Variants in PRKD3 observed in about 807,000 individuals in gnomAD.
PRKD3 encodes the protein protein kinase D3, also known as serine/threonine-protein kinase D3.
Under a neutral mutation model 99.2 loss-of-function variants are expected in PRKD3, and 47 were observed. The observed-to-expected ratio is 0.47, with a 90% CI of 0.38 to 0.60. The LOEUF is 0.60. PRKD3 is among the 20% of genes least tolerant of loss of function. The probability of loss-of-function intolerance (pLI) is 0.00; values close to 1 mark genes in which losing one functional copy is unlikely to be tolerated. For missense variants in PRKD3, 1,019 were observed against 1,088.4 expected, an observed-to-expected ratio of 0.94 and a Z score of 0.90; for synonymous variants, 392 against 355.4, an observed-to-expected ratio of 1.10 and a Z score of -1.16.
At chr2:37,253,733 T>A (rs556397685) in intron 18 of PRKD3, among the ~76,000 whole-genome samples, 7 of 152,112 alleles carry the variant, frequency 4.6e-5, no homozygotes, top group Non-Finnish European at 8.8e-5. Flanking sequence ...GTAGATGAGA[T>A]TACATTTGTT....
chr2:37,309,785 T>C (rs897395269), intron 2 of PRKD3, among the ~76,000 whole-genome samples: 1 of 147,534 alleles, frequency 6.8e-6, no homozygotes, highest in Non-Finnish European at 1.5e-5. Context: ...GAGTCGGAAG[T>C]TGCAGTGAGC....
chr2:37,296,375 G>A (rs1670673313), intron 2 of PRKD3, among the ~76,000 whole-genome samples: 1 of 152,118 alleles, frequency 6.6e-6, no homozygotes, highest in Admixed American at 6.5e-5. Context: ...ATTACAGTGA[G>A]ATATTACAAA....
intron 2 of PRKD3, among the ~76,000 whole-genome samples, chr2:37,294,961 GCTA>G (rs1274453679): frequency 6.6e-6 from 1 of 152,174 alleles, no homozygotes; most frequent in African/African-American, 2.4e-5. Context: ...TGTAGTCCCA[GCTA>G]CTTGGGAGGC....
At chr2:37,287,965 T>G (rs140598261) in intron 5 of PRKD3, among the ~76,000 whole-genome samples, 7 of 152,338 alleles carry the variant, frequency 4.6e-5, no homozygotes, top group African/African-American at 1.7e-4. Context: ...CCTTCCATGC[T>G]ACAAGTTCTA....
Position 37,254,401 on chromosome 2 carries a change from T to G in PRKD3, c.2414-112A>C. 5 of 759,538 alleles carry G rather than the reference T, an allele frequency of 6.6e-6. No individual in the cohort carries two copies. In the South Asian group the frequency reaches 7.6e-5, roughly 12 times the overall value. The allele number at this position is 759,538 out of a possible 1,614,324, so 47.0% of individuals were successfully genotyped here. ...TAGAAATACAGGGTTGAGGAATTTT[T>G]GCTTCTCAAGGACGTGGACTTTTAG... is the stretch of plus-strand genomic sequence containing the variant. On this transcript the variant is annotated intron_variant, in intron 17 of 18. Coordinates refer to ENST00000234179, the MANE Select transcript of PRKD3 (RefSeq NM_005813.6).
chr2:37,317,855 A>G (rs1671729815), intron 1 of PRKD3: 1 of 152,184 alleles, frequency 6.6e-6, no homozygotes, highest in South Asian at 2.1e-4. Context: ...ATCAGACAAG[A>G]TCAGGCACAT....
At position 37,274,589 on chromosome 2, in the gene PRKD3, A is replaced by T. The variant is rs1272532491; in HGVS notation, c.1483T>A (p.Tyr495Asn). The T allele has an allele frequency of 6.2e-7, 1 of 1,614,160 alleles. No individual in the cohort carries two copies. The highest frequency in any genetic ancestry group is 1.7e-5 in the Admixed American group (1 of 60,018). Residue 495 changes from tyrosine (Y) to asparagine (N), a missense_variant, in exon 11 of 19, where the codon TAC becomes AAC. By Grantham distance (143) the Tyr-to-Asn change is moderately radical (BLOSUM62 -2). Transcript: ENST00000234179. ...TCCCCATTGTTCTCACCAACGAAGT[A>T]TACCATAGTATCAGTAATGATTTCA... ...CFEIITDTMV[Y>N]FVGENNGDSS...
At chr2:37,259,792 G>C (rs1645978862) in intron 15 of PRKD3, 111 bp from the exon 16 acceptor site, 5 of 721,760 alleles carry the variant, frequency 6.9e-6, no homozygotes, top group Admixed American at 2.6e-5. Flanking sequence ...TCAAGACTTA[G>C]CTAAAAGTGT....
chr2:37,257,191 C>A (rs1326797956), intron 16 of PRKD3, among the ~76,000 whole-genome samples: 1 of 152,076 alleles, frequency 6.6e-6, no homozygotes, highest in African/African-American at 2.4e-5. Context: ...ATACCAAATA[C>A]CAGACTGGTG....
chr2:37,314,846 G>A (rs1428903342), intron 2 of PRKD3, among the ~76,000 whole-genome samples: 1 of 152,116 alleles, frequency 6.6e-6, no homozygotes, highest in African/African-American at 2.4e-5. Flanking sequence ...TAATGGAAGG[G>A]AAACTAAAAG....
At chr2:37,294,098 C>T (rs1403858393) in intron 2 of PRKD3, among the ~76,000 whole-genome samples, 1 of 152,124 alleles carries the variant, frequency 6.6e-6, no homozygotes, top group Non-Finnish European at 1.5e-5. Context: ...CTAAAGAGTT[C>T]TCAAAACCTT....
chr2:37,266,747 C>CA lies in PRKD3; in HGVS notation c.1884+682dup, dbSNP rs1473816242. Among the ~76,000 whole-genome samples, 9 of 152,284 alleles carry CA rather than the reference C, an allele frequency of 5.9e-5. No individual in the cohort carries two copies. In the East Asian group the frequency reaches 1.5e-3, roughly 26 times the overall value. On this transcript the variant is annotated intron_variant, in intron 14 of 18. Coordinates refer to ENST00000234179, the MANE Select transcript of PRKD3 (RefSeq NM_005813.6). ...AGGTGATCCACCCGCCTTGGCCTCC[C>CA]AAAGTGCTGGGATTATAGGTGCGCA...
chr2:37,251,723 CTG>C lies in PRKD3; in HGVS notation c.*1452_*1453del, dbSNP rs1667512398. ...TACATATCTGATCTTCACGACAACACTGTGACAAAGGGAGAGGCAAGAATGAT... is the reference window on the plus strand; with the variant it reads ...TACATATCTGATCTTCACGACAACACTGACAAAGGGAGAGGCAAGAATGAT... On this transcript the variant is annotated 3_prime_UTR_variant, in exon 19 of 19. Transcript: ENST00000234179. 1 of 151,932 alleles carries C rather than the reference CTG, an allele frequency of 6.6e-6. No homozygotes were observed. The highest frequency in any genetic ancestry group is 6.6e-5 in the Admixed American group (1 of 15,258). The allele number at this position is 151,932 out of a possible 1,614,324, so 9.4% of individuals were successfully genotyped here. A position where few individuals can be genotyped will look rare whatever the true frequency, so the allele number is the denominator to read the frequency against.
intron 5 of PRKD3, among the ~76,000 whole-genome samples, chr2:37,287,006 G>A (rs562887313): frequency 1.8e-4 from 28 of 151,868 alleles, no homozygotes; most frequent in African/African-American, 4.8e-4. Context: ...CGAGGTGGGC[G>A]GATCACCTGA....
At chr2:37,320,641 AG>A (rs1671845742) in intron 1 of PRKD3, among the ~76,000 whole-genome samples, 1 of 151,956 alleles carries the variant, frequency 6.6e-6, no homozygotes, top group Non-Finnish European at 1.5e-5. Flanking sequence ...CATGTTGGCC[AG>A]GCTGGTCTGG....
chr2:37,322,336 A>G (rs759573251), intron 1 of PRKD3, among the ~76,000 whole-genome samples: 18 of 152,254 alleles, frequency 1.2e-4, no homozygotes, highest in Non-Finnish European at 1.8e-4. Flanking sequence ...TATATTTTCA[A>G]AAATACCTAT....
At chr2:37,288,174 T>C (rs187006610) in intron 5 of PRKD3, among the ~76,000 whole-genome samples, 15 of 152,330 alleles carry the variant, frequency 9.8e-5, no homozygotes, top group South Asian at 2.1e-4. Context: ...CAGCATCATT[T>C]GTGGGGCTCT....
intron 2 of PRKD3, among the ~76,000 whole-genome samples, chr2:37,305,987 G>T (rs1339385638): frequency 6.6e-6 from 1 of 151,774 alleles, no homozygotes; most frequent in Non-Finnish European, 1.5e-5. Context: ...TGGCAGAATA[G>T]CAACTACAAC....
intron 12 of PRKD3, among the ~76,000 whole-genome samples, chr2:37,270,141 C>T (rs1262690813): frequency 4.6e-5 from 7 of 151,890 alleles, no homozygotes; most frequent in Non-Finnish European, 2.9e-5. Context: ...GCAGGAGAAT[C>T]GCTTGAACCC....
Sources: allele counts gnomAD v4.1 joint callset (sites outside exome capture counted in the v4.1 genomes callset), GRCh38; gene constraint gnomAD v4.1.1; transcripts MANE v1.5; gene names NCBI Gene and HGNC (gene_info 2026-07-23, HGNC 2026-07-21).